Variants in ZHX2 observed in about 807,000 individuals in gnomAD.
The protein encoded by ZHX2 is zinc fingers and homeoboxes protein 2.
Under a neutral mutation model 21.9 loss-of-function variants are expected in ZHX2, and 6 were observed. The ratio of observed to expected loss-of-function variants is 0.27; its 90% CI spans 0.15 to 0.54. The LOEUF (loss-of-function observed/expected upper bound fraction) is 0.54. Among genes scored for constraint, ZHX2 ranks in the 20% least tolerant of loss-of-function variants. The pLI is 0.95. For synonymous variants in ZHX2, 434 were observed against 437.1 expected, an observed-to-expected ratio of 0.99 and a Z score of 0.09; for missense variants, 908 against 1,090.7, an observed-to-expected ratio of 0.83 and a Z score of 2.36.
chr8:122,957,423 A>G (rs944248216), intron 3 of ZHX2, among the ~76,000 whole-genome samples: 2 of 152,012 alleles, frequency 1.3e-5, no homozygotes, highest in African/African-American at 4.8e-5. Context: ...GCAACATCAG[A>G]TATCTCTGAT....
chr8:122,878,214 T>C (rs1330589894), intron 2 of ZHX2, among the ~76,000 whole-genome samples: 1 of 152,206 alleles, frequency 6.6e-6, no homozygotes, highest in Non-Finnish European at 1.5e-5. Flanking sequence ...TAAAAATACA[T>C]GTGTGTGTTT....
intron 1 of ZHX2, among the ~76,000 whole-genome samples, chr8:122,810,081 T>A (rs1300109031): frequency 6.6e-6 from 1 of 152,104 alleles, no homozygotes; most frequent in Non-Finnish European, 1.5e-5. Flanking sequence ...TCTTAAGAAA[T>A]CATGTAAATC....
intron 2 of ZHX2, among the ~76,000 whole-genome samples, chr8:122,927,340 C>A (rs1386576530): frequency 1.3e-5 from 2 of 152,076 alleles, no homozygotes; most frequent in Non-Finnish European, 2.9e-5. Flanking sequence ...ACTAAAAATA[C>A]AAAAATTAGC....
chr8:122,916,129 C>G (rs1222096871), intron 2 of ZHX2, among the ~76,000 whole-genome samples: 1 of 152,232 alleles, frequency 6.6e-6, no homozygotes, highest in African/African-American at 2.4e-5. Flanking sequence ...CCGTGCCTTT[C>G]AGAGCATCCG....
intron 2 of ZHX2, among the ~76,000 whole-genome samples, chr8:122,864,747 C>A (rs902611776): frequency 6.6e-6 from 1 of 152,170 alleles, no homozygotes. Flanking sequence ...GGCAGTATCA[C>A]ATACTCCAGT....
intron 1 of ZHX2, among the ~76,000 whole-genome samples, chr8:122,854,848 T>A (rs1818992017): frequency 6.6e-6 from 1 of 152,104 alleles, no homozygotes; most frequent in Non-Finnish European, 1.5e-5. Flanking sequence ...CCTGTGGGCG[T>A]TTTTACTTAC....
intron 2 of ZHX2, among the ~76,000 whole-genome samples, chr8:122,947,075 G>A (rs1342883440): frequency 8.1e-6 from 1 of 123,454 alleles, no homozygotes; most frequent in Admixed American, 1.0e-4. Flanking sequence ...GGGCAACAGG[G>A]TGAAATCCTG....
intron 1 of ZHX2, among the ~76,000 whole-genome samples, chr8:122,858,195 G>A (rs542208520): frequency 3.3e-5 from 5 of 152,244 alleles, no homozygotes; most frequent in Middle Eastern, 3.4e-3. Context: ...TGTCTCTCTC[G>A]TGTGCTCCCT....
chr8:122,866,259 A>G (rs1819292690), intron 2 of ZHX2, among the ~76,000 whole-genome samples: 1 of 152,232 alleles, frequency 6.6e-6, no homozygotes, highest in African/African-American at 2.4e-5. Context: ...GGCTGTCTCC[A>G]TGGCTGGAAG....
intron 1 of ZHX2, among the ~76,000 whole-genome samples, chr8:122,842,516 T>G (rs1038260632): frequency 6.6e-6 from 1 of 152,042 alleles, no homozygotes; most frequent in Non-Finnish European, 1.5e-5. Flanking sequence ...CCATCCTGGC[T>G]AACACAGTGA....
chr8:122,872,177 G>T (rs986214475), intron 2 of ZHX2, among the ~76,000 whole-genome samples: 1 of 152,122 alleles, frequency 6.6e-6, no homozygotes, highest in Non-Finnish European at 1.5e-5. Flanking sequence ...GAACCTATGG[G>T]GTGACTGAAC....
At chr8:122,873,386 G>A (rs1026527915) in intron 2 of ZHX2, among the ~76,000 whole-genome samples, 10 of 152,052 alleles carry the variant, frequency 6.6e-5, no homozygotes, top group African/African-American at 2.2e-4. Flanking sequence ...CATCTCCCCC[G>A]GGGGCTTGGG....
rs1413585066 is a variant in ZHX2 at position 122,974,197 on chromosome 8, ACAAGATTTTAGCT to A, written c.*964_*976del. The A allele has an allele frequency of 1.3e-5, 2 of 152,314 alleles. No homozygotes were observed. The highest frequency in any genetic ancestry group is 4.8e-5 in the African/African-American group (2 of 41,426). 9.4% of individuals were successfully genotyped at this position (152,314 alleles called of 1,614,324 possible). A position where few individuals can be genotyped will look rare whatever the true frequency, so the allele number is the denominator to read the frequency against. On this transcript the variant is annotated 3_prime_UTR_variant, in exon 4 of 4. Coordinates refer to ENST00000314393, the MANE Select transcript of ZHX2 (RefSeq NM_014943.5). ...CTGCCTTTTCTCGGTGTGGTATTTG[ACAAGATTTTAGCT>A]CAAAGCCTCACCATGAATTGATTTT...
chr8:122,879,191 GT>G (rs966309542), intron 2 of ZHX2, among the ~76,000 whole-genome samples: 28 of 151,868 alleles, frequency 1.8e-4, no homozygotes, highest in African/African-American at 6.5e-4. Context: ...AGGCCTAAGG[GT>G]TTTTTTTGTC....
At chr8:122,847,823 G>T (rs1381389428) in intron 1 of ZHX2, among the ~76,000 whole-genome samples, 1 of 152,210 alleles carries the variant, frequency 6.6e-6, no homozygotes, top group Admixed American at 6.5e-5. Context: ...GCCCTCTGAA[G>T]GTGGCTGCAG....
At chr8:122,913,899 G>A (rs1324915633) in intron 2 of ZHX2, among the ~76,000 whole-genome samples, 1 of 152,158 alleles carries the variant, frequency 6.6e-6, no homozygotes, top group Admixed American at 6.5e-5. Flanking sequence ...CCAAGTCATG[G>A]GTGAATCCAT....
chr8:122,952,328 C>A lies in ZHX2; in HGVS notation c.818C>A (p.Thr273Lys), dbSNP rs1813143334. The part of the protein sequence containing the change: ...NTTKYNSALD[T>K]NATMINSFNK... ...ACCAAATACAACTCTGCCCTGGATA[C>A]AAATGCCACGATGATCAACTCTTTC... is the stretch of plus-strand genomic sequence containing the variant. The change falls in exon 3 of 4, where the codon ACA becomes AAA. Residue 273 changes from threonine (T) to lysine (K), a missense_variant. Transcript: ENST00000314393. The surrounding 1 kb of genome is among the most constrained non-coding windows in gnomAD (Gnocchi z 6.9). The A allele has an allele frequency of 6.2e-7, 1 of 1,614,166 alleles. No individual in the cohort carries two copies. The highest frequency in any genetic ancestry group is 8.5e-7 in the Non-Finnish European group (1 of 1,180,036).
At chr8:122,807,397 A>C (rs1384236022) in intron 1 of ZHX2, among the ~76,000 whole-genome samples, 2 of 152,238 alleles carry the variant, frequency 1.3e-5, no homozygotes, top group African/African-American at 4.8e-5. Context: ...CAGGATTTCC[A>C]GACTGCATGG....
At chr8:122,972,956 T>A (rs1276062019) in intron 3 of ZHX2, among the ~76,000 whole-genome samples, 1 of 152,196 alleles carries the variant, frequency 6.6e-6, no homozygotes, top group Non-Finnish European at 1.5e-5. Context: ...ATGAAAAGAA[T>A]CACAGGCCAC....
Sources: allele counts gnomAD v4.1 joint callset (sites outside exome capture counted in the v4.1 genomes callset), GRCh38; gene constraint gnomAD v4.1.1; non-coding constraint Gnocchi (gnomAD v3.1); transcripts MANE v1.5; gene names NCBI Gene and HGNC (gene_info 2026-07-23, HGNC 2026-07-21).